Variants in AQP8 observed in about 807,000 individuals in gnomAD.
AQP8 encodes the protein aquaporin-8.
In AQP8, 14 loss-of-function variants were observed where a neutral mutation model predicts 26.1. The ratio of observed to expected loss-of-function variants is 0.54; its 90% CI spans 0.35 to 0.84. AQP8 has a LOEUF of 0.84. Ranked by LOEUF, AQP8 falls within the 40% of genes least tolerant of loss-of-function variation. The pLI, the probability that AQP8 is intolerant of heterozygous loss-of-function variation, is 0.01. For synonymous variants in AQP8, 131 were observed against 150.7 expected, an observed-to-expected ratio of 0.87 and a Z score of 0.96; for missense variants, 301 against 340.5, an observed-to-expected ratio of 0.88 and a Z score of 0.91.
intron 2 of AQP8, among the ~76,000 whole-genome samples, chr16:25,219,130 G>A (rs1962524659): frequency 6.6e-6 from 1 of 151,392 alleles, no homozygotes; most frequent in East Asian, 1.9e-4. Flanking sequence ...ACTACTATGG[G>A]CTGTACAAAT....
intron 2 of AQP8, 76 bp from the exon 3 acceptor site, chr16:25,221,381 T>A: frequency 6.4e-6 from 10 of 1,571,160 alleles, no homozygotes; most frequent in Non-Finnish European, 8.7e-6. Flanking sequence ...GTGGGTTGGC[T>A]GGGACACACT....
chr16:25,225,825 G>C (rs1962625525), intron 4 of AQP8, among the ~76,000 whole-genome samples: 1 of 152,218 alleles, frequency 6.6e-6, no homozygotes, highest in Non-Finnish European at 1.5e-5. Context: ...TGCACCTGGG[G>C]AAGAGTCTCC....
intron 4 of AQP8, among the ~76,000 whole-genome samples, chr16:25,224,909 C>T (rs754919478): frequency 9.2e-5 from 14 of 152,160 alleles, no homozygotes; most frequent in African/African-American, 1.4e-4. Context: ...TGTGTTCATT[C>T]GGTCAGCGGG....
At chr16:25,221,918 C>A (rs1962567883) in intron 3 of AQP8, among the ~76,000 whole-genome samples, 1 of 151,388 alleles carries the variant, frequency 6.6e-6, no homozygotes, top group Admixed American at 6.6e-5. Context: ...CAGGCGCATG[C>A]CACCATGCCC....
In AQP8 at chr16:25,216,966, A is replaced by C; in HGVS notation, c.-80A>C. 6.3e-7 allele frequency: 1 copy of C among 1,592,240 alleles called. No homozygotes were observed. Among genetic ancestry groups the C allele is most frequent in the South Asian group, 1.1e-5 (1 of 90,050 alleles). Reference sequence around the variant, plus strand: ...GTGATCAGCAGGTCCTGTCCCTAGGAGATAAGAGTATCTTGCACAGCAGGT... The same window carrying C: ...GTGATCAGCAGGTCCTGTCCCTAGGCGATAAGAGTATCTTGCACAGCAGGT... On this transcript the variant is annotated 5_prime_UTR_variant, in exon 1 of 6. Coordinates refer to ENST00000219660, the MANE Select transcript of AQP8 (RefSeq NM_001169.3).
chr16:25,217,273 T>A lies in AQP8; in HGVS notation c.88T>A (p.Trp30Arg). Residue 30 changes from tryptophan to arginine, a missense_variant, in exon 2 of 6, where the codon TGG becomes AGG. By Grantham distance (101) the Trp-to-Arg change is moderately radical. Transcript: ENST00000219660. ...CGTGGGTGGCAGGTGGCGAGTGTCCTGGTACGAACGGTTTGTGCAGCCATG... is the reference window on the plus strand; with the variant it reads ...CGTGGGTGGCAGGTGGCGAGTGTCCAGGTACGAACGGTTTGTGCAGCCATG... ...PSVGGRWRVS[W>R]YERFVQPCLV... The A allele has an allele frequency of 6.2e-7, 1 of 1,614,184 alleles. No individual in the cohort carries two copies. The highest frequency in any genetic ancestry group is 8.5e-7 in the Non-Finnish European group (1 of 1,180,032).
rs1287561026 is a variant in AQP8 at position 25,228,127 on chromosome 16, T to G, written c.738-317T>G. ...ACTAAAAATACAAAAATCAGCCAGG[T>G]GTGGTGGTGCTTGTCTGTAGTCCCA... is the stretch of plus-strand genomic sequence containing the variant. On this transcript the variant is annotated intron_variant, in intron 5 of 5. Transcript: ENST00000219660. 2.0e-5 allele frequency among the ~76,000 whole-genome samples: 3 copies of G among 151,318 alleles called. No individual in the cohort carries two copies. In the East Asian group the frequency reaches 5.9e-4, roughly 30 times the overall value.
At position 25,221,475 on chromosome 16, in the gene AQP8, T is replaced by C; in HGVS notation, c.279T>C (p.Pro93=). 6.2e-7 allele frequency: 1 copy of C among 1,614,124 alleles called. No individual in the cohort carries two copies. Among genetic ancestry groups the C allele is most frequent in the Non-Finnish European group, 8.5e-7 (1 of 1,180,006 alleles). The part of the protein sequence containing the change: ...LGNISGGHFN[P]AVSLAAMLIG... The stretch of plus-strand genomic sequence containing the variant: ...GTTACAGTGGTGGACACTTCAACCC[T>C]GCGGTGTCCCTGGCAGCCATGCTGA... The change falls in exon 3 of 6, where the codon CCT becomes CCC. Residue 93 remains proline, a synonymous_variant. Transcript: ENST00000219660.
chr16:25,225,819 C>T (rs536638071), intron 4 of AQP8, among the ~76,000 whole-genome samples: 1 of 152,248 alleles, frequency 6.6e-6, no homozygotes, highest in Non-Finnish European at 1.5e-5. Context: ...GAGGAGTGCA[C>T]CTGGGGAAGA....
intron 3 of AQP8, 126 bp downstream of exon 3, chr16:25,221,709 G>T: frequency 9.3e-7 from 1 of 1,080,986 alleles, no homozygotes; most frequent in Non-Finnish European, 1.3e-6. Context: ...GTTTCTGCCA[G>T]TGGAATTGGT....
At chr16:25,223,109 G>T (rs1413326237) in intron 3 of AQP8, among the ~76,000 whole-genome samples, 5 of 152,254 alleles carry the variant, frequency 3.3e-5, no homozygotes, top group Admixed American at 3.3e-4. Flanking sequence ...TGTGAGCTGG[G>T]AGCTGTCAGT....
At chr16:25,227,279 G>T (rs2141348339) in intron 5 of AQP8, 77 bp downstream of exon 5, 1 of 1,578,512 alleles carries the variant, frequency 6.3e-7, no homozygotes, top group South Asian at 1.1e-5. Flanking sequence ...GGGACTAGAG[G>T]GCTAGGCTCT....
At chr16:25,224,275 G>A in intron 3 of AQP8, 87 bp from the exon 4 acceptor site, 2 of 1,244,204 alleles carry the variant, frequency 1.6e-6, no homozygotes, top group Non-Finnish European at 1.1e-6. Context: ...CTCTTAAGGT[G>A]GGTAGCATGC....
At chr16:25,221,711 G>A in intron 3 of AQP8, 128 bp downstream of exon 3, 1 of 1,103,088 alleles carries the variant, frequency 9.1e-7, no homozygotes, top group South Asian at 1.6e-5. Context: ...TTCTGCCAGT[G>A]GAATTGGTGG....
chr16:25,222,675 G>GT (rs1299795060), intron 3 of AQP8, among the ~76,000 whole-genome samples: 1 of 151,864 alleles, frequency 6.6e-6, no homozygotes, highest in East Asian at 1.9e-4. Flanking sequence ...CTTGGTGTGT[G>GT]TGTGGGGGGT....
intron 4 of AQP8, among the ~76,000 whole-genome samples, chr16:25,226,755 T>C (rs1266722918): frequency 6.6e-6 from 1 of 152,200 alleles, no homozygotes; most frequent in Non-Finnish European, 1.5e-5. Flanking sequence ...CTGATTGACT[T>C]TCCTTTGTAG....
At chr16:25,224,034 C>T (rs2141344291) in intron 3 of AQP8, among the ~76,000 whole-genome samples, 1 of 152,158 alleles carries the variant, frequency 6.6e-6, no homozygotes, top group East Asian at 1.9e-4. Context: ...ACCATGTTGG[C>T]AAGGCTGGTC....
intron 4 of AQP8, among the ~76,000 whole-genome samples, chr16:25,225,717 GC>G (rs1962623366): frequency 6.6e-6 from 1 of 152,044 alleles, no homozygotes; most frequent in Non-Finnish European, 1.5e-5. Context: ...CTACTTACAA[GC>G]TTTTTGACTT....
At chr16:25,223,850 G>T (rs1293870834) in intron 3 of AQP8, among the ~76,000 whole-genome samples, 2 of 146,722 alleles carry the variant, frequency 1.4e-5, no homozygotes, top group African/African-American at 2.6e-5. Context: ...TTTTTGAGAC[G>T]GAGTCTTGCT....
Sources: allele counts gnomAD v4.1 joint callset (sites outside exome capture counted in the v4.1 genomes callset), GRCh38; gene constraint gnomAD v4.1.1; transcripts MANE v1.5; gene names NCBI Gene and HGNC (gene_info 2026-07-23, HGNC 2026-07-21).